COL6A6: variants seen among roughly 807,000 people sequenced by gnomAD.
COL6A6 encodes the protein collagen alpha-6(VI) chain.
In COL6A6, 183 loss-of-function variants were observed where a neutral mutation model predicts 208.6. The observed-to-expected ratio is 0.88, with a 90% confidence interval of 0.78 to 0.99. The LOEUF (loss-of-function observed/expected upper bound fraction) is 0.99. Among genes scored for constraint, COL6A6 ranks in the 50% least tolerant of loss-of-function variants. The pLI, the probability that COL6A6 is intolerant of heterozygous loss-of-function variation, is 0.00. For missense variants in COL6A6, 2,816 were observed against 2,815.2 expected (o/e 1.00, Z -0.01); for synonymous variants, 973 against 1,011.8 (o/e 0.96, Z 0.73).
At chr3:130,635,168 G>A (rs987285210) in intron 27 of COL6A6, among the ~76,000 whole-genome samples, 1 of 152,094 alleles carries the variant, frequency 6.6e-6, no homozygotes. Flanking sequence ...CCAGGAGATG[G>A]AGGTTATAGT....
intron 36 of COL6A6, among the ~76,000 whole-genome samples, chr3:130,666,800 G>GAT (rs1460988253): frequency 6.6e-6 from 1 of 152,084 alleles, no homozygotes; most frequent in Non-Finnish European, 1.5e-5. Context: ...GACATAAAGA[G>GAT]ATTATCATTT....
At chr3:130,594,406 G>C in intron 18 of COL6A6, 63 bp downstream of exon 18, 8 of 1,292,064 alleles carry the variant, frequency 6.2e-6, no homozygotes, top group Non-Finnish European at 8.8e-6. Flanking sequence ...CTGATAGGGA[G>C]TCTCGATTTC....
rs766217405 is a variant in COL6A6, at chr3:130,662,112, G to A, written c.6306G>A (p.Lys2102=). 1.2e-6 allele frequency: 2 copies of A among 1,613,930 alleles called. No individual in the cohort carries two copies. Among genetic ancestry groups the A allele is most frequent in the East Asian group, 4.5e-5 (2 of 44,894 alleles). ...GCCACTTAGATGGGGAAATCTTAAA[G>A]AAGGAATCCTTGCGAGCCAAATGTC... ...ETSHLDGEIL[K]KESLRAKCQG... is the part of the protein sequence containing the mutation. The change falls in exon 35 of 37, where the codon AAG becomes AAA. Residue 2102 remains lysine, a synonymous_variant. Transcript: ENST00000358511.
intron 23 of COL6A6, among the ~76,000 whole-genome samples, chr3:130,620,337 T>C (rs147996261): frequency 6.6e-6 from 1 of 151,864 alleles, no homozygotes; most frequent in African/African-American, 2.4e-5. Flanking sequence ...AAGAGGCAAA[T>C]AGAATAAGGG....
At chr3:130,650,549 C>T (rs896764711) in intron 33 of COL6A6, among the ~76,000 whole-genome samples, 10 of 150,620 alleles carry the variant, frequency 6.6e-5, no homozygotes, top group African/African-American at 2.5e-4. Flanking sequence ...TGAACCCAGG[C>T]GGCAGAGCCA....
In COL6A6 at chr3:130,565,568, A is replaced by G. The variant is rs775997763; in HGVS notation, c.1236A>G (p.Thr412=). The change falls in exon 4 of 37, where the codon ACA becomes ACG. Residue 412 remains threonine (T), a synonymous_variant. Transcript: ENST00000358511. ...TFLKKLRNQI[T]HTVSVFSERT... ...TGAAGAAGCTGCGGAACCAAATAAC[A>G]CACACAGTCTCTGTCTTTTCAGAGA... is the stretch of plus-strand genomic sequence containing the variant. 1.9e-6 allele frequency: 3 copies of G among 1,613,642 alleles called. No individual in the cohort carries two copies. Among genetic ancestry groups the G allele is most frequent in the Non-Finnish European group, 2.5e-6 (3 of 1,179,722 alleles).
chr3:130,669,440 A>G lies in COL6A6; in HGVS notation c.6596+4344A>G, dbSNP rs147241242. The stretch of plus-strand genomic sequence containing the variant: ...AAATAAAATAATATTTTAAAAACCT[A>G]TACATTTTAAAGGGAATAAATAAAT... On this transcript the variant is annotated intron_variant, in intron 36 of 36. Coordinates refer to ENST00000358511, the MANE Select transcript of COL6A6 (RefSeq NM_001102608.3). Among the ~76,000 whole-genome samples the G allele has an allele frequency of 1.8e-4, 28 of 151,722 alleles. 2 individuals are homozygous for G. Among genetic ancestry groups the G allele is most frequent in the African/African-American group, 6.0e-4 (25 of 41,512 alleles).
At chr3:130,580,355 A>G (rs1464136768) in intron 8 of COL6A6, among the ~76,000 whole-genome samples, 2 of 152,218 alleles carry the variant, frequency 1.3e-5, no homozygotes, top group Non-Finnish European at 2.9e-5. Flanking sequence ...TTTTGATAAC[A>G]CTTTGATTTA....
intron 36 of COL6A6, 61 bp downstream of exon 36, chr3:130,665,157 C>G (rs1438161129): frequency 5.4e-6 from 6 of 1,110,372 alleles, no homozygotes; most frequent in Non-Finnish European, 7.8e-6. Context: ...TTCTATTTTC[C>G]TCCTCCTCCT....
intron 33 of COL6A6, among the ~76,000 whole-genome samples, chr3:130,652,011 G>T (rs1218876669): frequency 1.3e-5 from 2 of 152,116 alleles, no homozygotes; most frequent in Non-Finnish European, 2.9e-5. Context: ...CACCAATGAA[G>T]GTTTAAATTC....
chr3:130,528,937 T>TA (rs552084109), intron 1 of COL6A6, among the ~76,000 whole-genome samples: 45 of 152,164 alleles, frequency 3.0e-4, no homozygotes, highest in Admixed American at 2.6e-3. Context: ...CCTAAAACTA[T>TA]AAAAAATTAG....
At chr3:130,543,940 T>A (rs1301708846) in intron 1 of COL6A6, among the ~76,000 whole-genome samples, 2 of 152,214 alleles carry the variant, frequency 1.3e-5, no homozygotes, top group Non-Finnish European at 2.9e-5. Flanking sequence ...TTTTAAGATA[T>A]GCAACATGAT....
intron 1 of COL6A6, among the ~76,000 whole-genome samples, chr3:130,537,444 T>C (rs1313085000): frequency 6.6e-6 from 1 of 152,238 alleles, no homozygotes; most frequent in African/African-American, 2.4e-5. Flanking sequence ...CCCAGGGATC[T>C]TATGAGTTTC....
At chr3:130,524,646 A>G (rs1046639037) in intron 1 of COL6A6, among the ~76,000 whole-genome samples, 1 of 152,182 alleles carries the variant, frequency 6.6e-6, no homozygotes, top group Non-Finnish European at 1.5e-5. Flanking sequence ...GACTTTATTT[A>G]TCTGTTTATT....
At chr3:130,639,735 A>G (rs1310347779) in intron 28 of COL6A6, among the ~76,000 whole-genome samples, 1 of 151,506 alleles carries the variant, frequency 6.6e-6, no homozygotes, top group Non-Finnish European at 1.5e-5. Context: ...CTCTGAGAAC[A>G]TGAGTGGGGC....
At chr3:130,587,272 T>G (rs1272796356) in intron 11 of COL6A6, among the ~76,000 whole-genome samples, 1 of 152,204 alleles carries the variant, frequency 6.6e-6, no homozygotes, top group Non-Finnish European at 1.5e-5. Flanking sequence ...ATATTCTCTT[T>G]GTTTGTTTGA....
At chr3:130,544,058 A>G (rs2062437282) in intron 1 of COL6A6, among the ~76,000 whole-genome samples, 1 of 152,208 alleles carries the variant, frequency 6.6e-6, no homozygotes, top group Admixed American at 6.5e-5. Flanking sequence ...TGACTACAAT[A>G]GTATATTATT....
intron 23 of COL6A6, among the ~76,000 whole-genome samples, chr3:130,617,803 A>G (rs1408064265): frequency 6.6e-6 from 1 of 152,176 alleles, no homozygotes; most frequent in Admixed American, 6.5e-5. Flanking sequence ...AAGTGTGGGA[A>G]CACCCTGTAC....
At chr3:130,575,175 G>C (rs368767349) in intron 8 of COL6A6, among the ~76,000 whole-genome samples, 1 of 152,100 alleles carries the variant, frequency 6.6e-6, no homozygotes, top group African/African-American at 2.4e-5. Flanking sequence ...AGGTCATTAA[G>C]AGGCAGCTCT....
Sources: allele counts gnomAD v4.1 joint callset (sites outside exome capture counted in the v4.1 genomes callset), GRCh38; gene constraint gnomAD v4.1.1; transcripts MANE v1.5; gene names NCBI Gene and HGNC (gene_info 2026-07-23, HGNC 2026-07-21).